The following SART3 variants were observed in gnomAD, a reference collection of about 807,000 sequenced individuals.
SART3 encodes HIV-1 Tat-interacting protein of 110kDa.
In SART3, 44 loss-of-function variants were observed where a neutral mutation model predicts 122.3. The ratio of observed to expected loss-of-function variants is 0.36; its 90% CI spans 0.28 to 0.46. The LOEUF (loss-of-function observed/expected upper bound fraction) is 0.46, where lower values mean the gene tolerates loss of function less well. Ranked by LOEUF, SART3 falls within the 20% of genes least tolerant of loss-of-function variation. SART3 has a pLI of 1.00. For missense variants in SART3, 1,101 were observed against 1,229.0 expected (o/e 0.90, Z 1.56); for synonymous variants, 442 against 454.0 (o/e 0.97, Z 0.34).
At chr12:108,532,159 C>T (rs1247441814) in intron 13 of SART3, 63 bp downstream of exon 13, 3 of 1,406,348 alleles carry the variant, frequency 2.1e-6, no homozygotes, top group Non-Finnish European at 3.0e-6. Flanking sequence ...ACCAGATGCT[C>T]CTACTTGAGA....
chr12:108,542,180 C>T (rs1479344009), intron 6 of SART3, among the ~76,000 whole-genome samples: 1 of 151,958 alleles, frequency 6.6e-6, no homozygotes, highest in Non-Finnish European at 1.5e-5. Flanking sequence ...ATTTGAATGG[C>T]CAATCCACGT....
In SART3 at chr12:108,535,417, T is replaced by C; in HGVS notation, c.1498A>G (p.Met500Val). The C allele has an allele frequency of 6.2e-7, 1 of 1,614,162 alleles. No homozygotes were observed. Among genetic ancestry groups the C allele is most frequent in the Non-Finnish European group, 8.5e-7 (1 of 1,180,012 alleles). ...GCGTACTTGGCATTTCCTCTGGTCA[T>C]GATGCTATCCCAGAGTTCCCGAGCT... ...QKARELWDSI[M>V]TRGNAKYANM... The change falls in exon 12 of 19, where the codon ATG (methionine) becomes GTG (valine). Residue 500 changes from methionine (M) to valine (V), a missense_variant. By Grantham distance (21) the Met-to-Val change is conservative (BLOSUM62 1). Around this residue, in one of 2 missense-constraint regions of SART3, gnomAD observed 885 missense variants for 1,080.1 expected, o/e 0.82. Transcript: ENST00000546815.
chr12:108,557,218 T>TTTG (rs1181908449), intron 1 of SART3, among the ~76,000 whole-genome samples: 4 of 144,432 alleles, frequency 2.8e-5, no homozygotes, highest in African/African-American at 1.0e-4. Context: ...TTTTTTTTTT[T>TTTG]TTTTTTTTTT....
At chr12:108,543,251 C>G in intron 5 of SART3, 99 bp from the exon 6 acceptor site, 1 of 1,402,014 alleles carries the variant, frequency 7.1e-7, no homozygotes, top group Non-Finnish European at 9.8e-7. Flanking sequence ...TAGCCCCTCC[C>G]ACATCTGTGG....
At chr12:108,560,795 G>A (rs763367619) in intron 1 of SART3, 48 bp downstream of exon 1, 20 of 1,512,312 alleles carry the variant, frequency 1.3e-5, no homozygotes, top group Middle Eastern at 1.8e-4. Flanking sequence ...ATGGGGACCC[G>A]AGGACCTGAA....
At chr12:108,550,430 G>C (rs1010490153) in intron 1 of SART3, among the ~76,000 whole-genome samples, 6 of 152,200 alleles carry the variant, frequency 3.9e-5, no homozygotes, top group African/African-American at 1.4e-4. Flanking sequence ...GGGATGGAAA[G>C]AGAACTGAAA....
rs142496149 is a variant in SART3, at chr12:108,541,670, C to A, written c.906+1358G>T. ...TCCCCTGCCTCAGCCTCCCAAACAG[C>A]TGGGATTACAGGCGCCCGCCACCAT... On this transcript the variant is annotated intron_variant, in intron 6 of 18. Transcript: ENST00000546815. Among the ~76,000 whole-genome samples, 1,444 of 152,004 alleles carry A rather than the reference C, an allele frequency of 9.5e-3. 10 individuals are homozygous for A. Among genetic ancestry groups the A allele is most frequent in the African/African-American group, 0.033 (1,373 of 41,464 alleles).
rs560200740 is a variant in SART3 at position 108,544,478 on chromosome 12, G to A, written c.730C>T (p.Leu244Phe). ...CGGAAAAGACTGTGGACTTTCTCAA[G>A]CTGTGAATCAAAGGTTTGTTCCCGG... ...FESAIVEAAR[L>F]EKVHSLFRRQ... The change falls in exon 5 of 19, where the codon CTT becomes TTT. Residue 244 changes from leucine (L) to phenylalanine (F), a missense_variant and splice_region_variant. By Grantham distance (22) the Leu-to-Phe change is conservative. Around this residue, in one of 2 missense-constraint regions of SART3, gnomAD observed 885 missense variants for 1,080.1 expected, o/e 0.82. Transcript: ENST00000546815. 6.2e-7 allele frequency: 1 copy of A among 1,614,252 alleles called. No individual in the cohort carries two copies. Among genetic ancestry groups the A allele is most frequent in the South Asian group, 1.1e-5 (1 of 91,080 alleles).
At chr12:108,547,005 A>T (rs1022379871) in intron 3 of SART3, among the ~76,000 whole-genome samples, 1 of 152,188 alleles carries the variant, frequency 6.6e-6, no homozygotes, top group African/African-American at 2.4e-5. Flanking sequence ...TTTTTAGCAG[A>T]GACGGGGTTT....
chr12:108,533,908 A>G (rs928391976), intron 12 of SART3, among the ~76,000 whole-genome samples: 4 of 152,226 alleles, frequency 2.6e-5, no homozygotes, highest in African/African-American at 9.6e-5. Flanking sequence ...AAGTTTTGCT[A>G]TAATATGTAT....
Position 108,531,226 on chromosome 12 carries a change from C to G in SART3, c.1724G>C (p.Arg575Pro). The G allele has an allele frequency of 6.2e-7, 1 of 1,613,900 alleles. No homozygotes were observed. Among genetic ancestry groups the G allele is most frequent in the Non-Finnish European group, 8.5e-7 (1 of 1,179,840 alleles). Residue 575 changes from arginine to proline, a missense_variant, in exon 14 of 19, where the codon CGT (arginine) becomes CCT (proline). Coordinates refer to ENST00000546815, the MANE Select transcript of SART3 (RefSeq NM_014706.4). The stretch of plus-strand genomic sequence containing the variant: ...TACCTTCATTCTCTGCTCATTGACA[C>G]GAGCTAATCGGGTTTCAGTTTTCTG... The part of the protein sequence containing the change: ...AVQKTETRLA[R>P]VNEQRMKAAE...
At chr12:108,540,147 T>C (rs1284270921) in intron 6 of SART3, among the ~76,000 whole-genome samples, 1 of 66,904 alleles carries the variant, frequency 1.5e-5, no homozygotes, top group African/African-American at 3.2e-5. Context: ...ACCAAATCAA[T>C]GAGATCTTAA....
intron 1 of SART3, among the ~76,000 whole-genome samples, chr12:108,557,175 A>C (rs1474429328): frequency 7.0e-6 from 1 of 142,768 alleles, no homozygotes; most frequent in Non-Finnish European, 1.5e-5. Flanking sequence ...ATGCTGGTCT[A>C]TTCTGGTCTT....
chr12:108,543,042 A>G lies in SART3; in HGVS notation c.892T>C (p.Tyr298His). Residue 298 changes from tyrosine to histidine, a missense_variant, in exon 6 of 19, where the codon TAT becomes CAT. Tyr to His is a moderately conservative substitution (Grantham distance 83). Around this residue, in one of 2 missense-constraint regions of SART3, gnomAD observed 885 missense variants for 1,080.1 expected, o/e 0.82. Transcript: ENST00000546815. Reference protein sequence around the residue: ...ALQQLEKYKPYEEALLQAEAP... With the variant: ...ALQQLEKYKPHEEALLQAEAP... ...CCAACACTTACCAGTGCTTCTTCAT[A>G]GGGTTTATATTTCTCCAGCTGCTGT... 6.2e-7 allele frequency: 1 copy of G among 1,614,276 alleles called. No individual in the cohort carries two copies. The highest frequency in any genetic ancestry group is 8.5e-7 in the Non-Finnish European group (1 of 1,180,042).
intron 1 of SART3, among the ~76,000 whole-genome samples, chr12:108,555,350 T>A (rs2136695900): frequency 1.3e-5 from 2 of 152,268 alleles, no homozygotes; most frequent in South Asian, 4.1e-4. Flanking sequence ...TGGCAAAATG[T>A]TTTTAAACTT....
intron 11 of SART3, among the ~76,000 whole-genome samples, chr12:108,535,843 C>T (rs1593238489): frequency 6.6e-6 from 1 of 150,890 alleles, no homozygotes; most frequent in Admixed American, 6.6e-5. Context: ...CTAATACTTA[C>T]AAACTGTGAC....
At chr12:108,554,523 T>C (rs941904627) in intron 1 of SART3, among the ~76,000 whole-genome samples, 18 of 151,966 alleles carry the variant, frequency 1.2e-4, no homozygotes, top group Admixed American at 5.9e-4. Flanking sequence ...AATGAAGAAA[T>C]AGCATTTGAT....
At chr12:108,544,304 G>A in intron 5 of SART3, 123 bp downstream of exon 5, 1 of 867,928 alleles carries the variant, frequency 1.2e-6, no homozygotes, top group South Asian at 1.3e-5. Flanking sequence ...AATATCCAAG[G>A]AGAGTAAGAA....
At chr12:108,538,423 C>T (rs749441958) in intron 7 of SART3, among the ~76,000 whole-genome samples, 1 of 152,172 alleles carries the variant, frequency 6.6e-6, no homozygotes, top group Non-Finnish European at 1.5e-5. Context: ...TCAGCCAACC[C>T]TACTGGATAG....
Sources: gnomAD v4.1 joint callset for allele counts (sites outside exome capture counted in the v4.1 genomes callset) on GRCh38, gnomAD v4.1.1 for gene constraint, gnomAD v4.1.1 regional missense constraint, MANE v1.5 for transcripts, NCBI Gene and HGNC (gene_info 2026-07-23, HGNC 2026-07-21) for gene names.